Variants in HEMK2 observed in about 807,000 individuals in gnomAD.
HEMK2 encodes the protein HemK methyltransferase 2, ETF1 glutamine and histone H4 lysine, also known as methyltransferase HEMK2.
chr21:28,813,620 A>G, the HEMK2 span, among the ~76,000 whole-genome samples: 63 of 152,336 alleles, frequency 4.1e-4, no homozygotes, highest in African/African-American at 1.2e-3. Context: ...CATATAGCCA[A>G]GATAATCGTA....
chr21:28,863,444 A>T, the HEMK2 span, among the ~76,000 whole-genome samples: 4 of 88,642 alleles, frequency 4.5e-5, no homozygotes, highest in Non-Finnish European at 9.0e-5. Context: ...ATATATATAT[A>T]TATATATATA....
At chr21:28,674,104 A>C in the HEMK2 span, among the ~76,000 whole-genome samples, 2,156 of 152,254 alleles carry the variant, frequency 0.014, 52 homozygotes, top group African/African-American at 0.049. Context: ...GCCAAAACCC[A>C]CTAAAAGCAA....
the HEMK2 span, among the ~76,000 whole-genome samples, chr21:28,686,173 C>T: frequency 2.6e-5 from 4 of 152,284 alleles, no homozygotes; most frequent in Middle Eastern, 0.01. Flanking sequence ...AAATTTACTA[C>T]TCTCCCACAC....
the HEMK2 span, among the ~76,000 whole-genome samples, chr21:28,676,557 G>A: frequency 6.6e-6 from 1 of 152,078 alleles, no homozygotes; most frequent in African/African-American, 2.4e-5. Flanking sequence ...CAGGTGGGAG[G>A]GGGTCCCGAG....
chr21:28,755,521 G>C, the HEMK2 span, among the ~76,000 whole-genome samples: 1 of 152,214 alleles, frequency 6.6e-6, no homozygotes. Context: ...GTAAATACAA[G>C]AGGTGTGATG....
At chr21:28,733,790 C>T in the HEMK2 span, among the ~76,000 whole-genome samples, 390 of 151,984 alleles carry the variant, frequency 2.6e-3, 2 homozygotes, top group African/African-American at 8.9e-3. Context: ...AGGTTTGTTA[C>T]ATATGTATAC....
At chr21:28,644,265 T>C in the HEMK2 span, among the ~76,000 whole-genome samples, 70 of 152,180 alleles carry the variant, frequency 4.6e-4, 1 homozygote, top group East Asian at 0.01. Context: ...TTGCCAAACA[T>C]AAAACCATCA....
chr21:28,595,723 T>C, the HEMK2 span, among the ~76,000 whole-genome samples: 2 of 152,306 alleles, frequency 1.3e-5, no homozygotes, highest in South Asian at 4.1e-4. Context: ...GTATGGCAAC[T>C]CTATTTTTAG....
the HEMK2 span, among the ~76,000 whole-genome samples, chr21:28,603,281 G>A: frequency 6.6e-6 from 1 of 152,024 alleles, no homozygotes; most frequent in African/African-American, 2.4e-5. Context: ...ATCACTTCTG[G>A]AGAACCCAAT....
At chr21:28,732,391 C>T in the HEMK2 span, among the ~76,000 whole-genome samples, 1,659 of 152,332 alleles carry the variant, frequency 0.011, 21 homozygotes, top group Middle Eastern at 0.024. Flanking sequence ...CAGAAGCACA[C>T]ATGGTCTAGT....
the HEMK2 span, among the ~76,000 whole-genome samples, chr21:28,792,017 C>T: frequency 6.6e-6 from 1 of 152,194 alleles, no homozygotes; most frequent in Non-Finnish European, 1.5e-5. Flanking sequence ...ATCAACCCCA[C>T]TGCTCATTAT....
chr21:28,867,528 A>C, the HEMK2 span, among the ~76,000 whole-genome samples: 5 of 152,226 alleles, frequency 3.3e-5, no homozygotes, highest in Non-Finnish European at 7.3e-5. Flanking sequence ...ATTTTACTCC[A>C]CTTGCAACCC....
chr21:28,805,607 C>T, the HEMK2 span, among the ~76,000 whole-genome samples: 2 of 152,154 alleles, frequency 1.3e-5, no homozygotes, highest in Admixed American at 6.5e-5. Flanking sequence ...TTTTGAGTCC[C>T]TGATTCTTTC....
At chr21:28,776,830 T>C in the HEMK2 span, among the ~76,000 whole-genome samples, 2 of 152,120 alleles carry the variant, frequency 1.3e-5, no homozygotes. Context: ...GGCAATCTAG[T>C]CCTTCCACGT....
the HEMK2 span, among the ~76,000 whole-genome samples, chr21:28,628,182 C>T: frequency 2.0e-5 from 3 of 152,144 alleles, no homozygotes; most frequent in Non-Finnish European, 2.9e-5. Context: ...TATGTATCTA[C>T]ACAGATATAC....
At chr21:28,684,215 A>C in the HEMK2 span, among the ~76,000 whole-genome samples, 17 of 152,342 alleles carry the variant, frequency 1.1e-4, no homozygotes, top group African/African-American at 3.6e-4. Flanking sequence ...TTATTCTCAA[A>C]CACTAAGTAA....
chr21:28,666,217 G>C, the HEMK2 span, among the ~76,000 whole-genome samples: 1 of 152,274 alleles, frequency 6.6e-6, no homozygotes, highest in East Asian at 1.9e-4. Flanking sequence ...TGGAAGGAAG[G>C]AAGATTTCTT....
the HEMK2 span, among the ~76,000 whole-genome samples, chr21:28,811,916 T>G: frequency 6.2e-4 from 95 of 152,322 alleles, no homozygotes; most frequent in African/African-American, 2.3e-3. Context: ...ATAAAATTCA[T>G]CCGTTCTTTA....
At chr21:28,588,197 A>G in the HEMK2 span, among the ~76,000 whole-genome samples, 5 of 152,202 alleles carry the variant, frequency 3.3e-5, no homozygotes, top group Non-Finnish European at 7.3e-5. Context: ...TCTTGAAGTA[A>G]TATTTAGGCA....
Sources: gnomAD v4.1 joint callset for allele counts (sites outside exome capture counted in the v4.1 genomes callset) on GRCh38, gnomAD v4.1.1 for gene constraint, MANE v1.5 for transcripts, NCBI Gene and HGNC (gene_info 2026-07-23, HGNC 2026-07-21) for gene names.